The following CFAP54 variants were observed in gnomAD, a reference collection of about 807,000 sequenced individuals.
CFAP54 encodes cilia and flagella associated protein 54.
In CFAP54, 290 loss-of-function variants were observed where a neutral mutation model predicts 370.4. That is an observed-to-expected ratio of 0.78 (90% CI 0.71 to 0.86). The LOEUF (loss-of-function observed/expected upper bound fraction) is 0.86. Among genes scored for constraint, CFAP54 ranks in the 40% least tolerant of loss-of-function variants. The pLI is 0.00. For missense variants in CFAP54, 3,399 were observed against 3,528.7 expected (o/e 0.96, Z 0.93); for synonymous variants, 1,206 against 1,236.5 (o/e 0.98, Z 0.52).
chr12:96,668,834 A>G (rs1045820329), intron 39 of CFAP54, among the ~76,000 whole-genome samples: 1 of 152,154 alleles, frequency 6.6e-6, no homozygotes, highest in East Asian at 1.9e-4. Context: ...TCACTTATTC[A>G]TCTATTCATT....
chr12:96,725,731 AG>A (rs1179671389), intron 50 of CFAP54, among the ~76,000 whole-genome samples: 14 of 152,292 alleles, frequency 9.2e-5, no homozygotes, highest in Non-Finnish European at 1.6e-4. Context: ...GAGTGGTGAG[AG>A]GGGGCATCCC....
chr12:96,829,077 C>T lies in CFAP54; in HGVS notation c.9160C>T (p.Pro3054Ser). Residue 3054 changes from proline to serine, a missense_variant, in exon 66 of 68, where the codon CCA becomes TCA. Coordinates refer to ENST00000524981, the MANE Select transcript of CFAP54 (RefSeq NM_001306084.2). ...SLFLNDKEPTPLSEVPFDISL... is the reference protein window; with the variant it reads ...SLFLNDKEPTSLSEVPFDISL... ...GTTTTTGAATGATAAAGAGCCAACACCACTATCTGAGGTATGTATTTCTCC... is the reference window on the plus strand; with the variant it reads ...GTTTTTGAATGATAAAGAGCCAACATCACTATCTGAGGTATGTATTTCTCC... 1.3e-6 allele frequency: 2 copies of T among 1,502,668 alleles called. No individual in the cohort carries two copies. The highest frequency in any genetic ancestry group is 1.8e-6 in the Non-Finnish European group (2 of 1,118,462). 93.1% of individuals were successfully genotyped at this position (1,502,668 alleles called of 1,614,324 possible).
rs889714627 is a variant in CFAP54 at position 96,764,981 on chromosome 12, T to C, written c.8140-96T>C. ...TTCCTCCAATGTATAAGGAATATTA[T>C]TTTATGAATTCACTTTTTTCACATT... On this transcript the variant is annotated intron_variant, in intron 59 of 67. Coordinates refer to ENST00000524981, the MANE Select transcript of CFAP54 (RefSeq NM_001306084.2). 9.4e-6 allele frequency: 9 copies of C among 954,570 alleles called. No individual in the cohort carries two copies. In the African/African-American group the frequency reaches 1.5e-4, roughly 16 times the overall value. 59.1% of individuals were successfully genotyped at this position (954,570 alleles called of 1,614,324 possible).
chr12:96,809,965 C>T lies in CFAP54; in HGVS notation c.8851-1771C>T, dbSNP rs186425073. Among the ~76,000 whole-genome samples the T allele has an allele frequency of 1.4e-4, 22 of 152,216 alleles. No homozygotes were observed. In the East Asian group the frequency reaches 3.9e-3, roughly 27 times the overall value. On this transcript the variant is annotated intron_variant, in intron 63 of 67. Transcript: ENST00000524981. ...CAATGTTTTTAGTAAAGCACCTGAG[C>T]GTTGTACCTAACGTCCCTTAGCATA...
chr12:96,624,099 A>G (rs1353486416), intron 28 of CFAP54, among the ~76,000 whole-genome samples: 1 of 152,178 alleles, frequency 6.6e-6, no homozygotes, highest in African/African-American at 2.4e-5. Flanking sequence ...TTTACTTAGG[A>G]TTACATAGCT....
At chr12:96,819,376 C>T (rs1481739436) in intron 65 of CFAP54, among the ~76,000 whole-genome samples, 2 of 152,138 alleles carry the variant, frequency 1.3e-5, no homozygotes. Context: ...GTTCATTAGC[C>T]AAATAATTTA....
chr12:96,658,176 G>A, intron 37 of CFAP54, 35 bp from the exon 38 acceptor site: 7 of 1,587,314 alleles, frequency 4.4e-6, no homozygotes, highest in Non-Finnish European at 6.0e-6. Flanking sequence ...TTTAACTAAT[G>A]TTTTCTTTTT....
chr12:96,786,617 A>G, intron 61 of CFAP54, 58 bp from the exon 62 acceptor site: 1 of 1,258,320 alleles, frequency 7.9e-7, no homozygotes, highest in Non-Finnish European at 1.1e-6. Context: ...TACCAGCAAT[A>G]TTGAGATCAT....
chr12:96,714,453 C>T (rs1957652095), intron 48 of CFAP54, among the ~76,000 whole-genome samples: 1 of 152,064 alleles, frequency 6.6e-6, no homozygotes, highest in African/African-American at 2.4e-5. Context: ...ATCTCCATGG[C>T]AATGAGTTCA....
chr12:96,757,000 A>G (rs1958266892), intron 57 of CFAP54, among the ~76,000 whole-genome samples: 1 of 152,210 alleles, frequency 6.6e-6, no homozygotes, highest in African/African-American at 2.4e-5. Context: ...TTACAACTGC[A>G]CTGATCCAGG....
In CFAP54 at chr12:96,800,533, A is replaced by C. The variant is rs531385779; in HGVS notation, c.8850+8034A>C. 5.9e-5 allele frequency among the ~76,000 whole-genome samples: 9 copies of C among 152,330 alleles called. 1 individual carries two copies. The highest frequency in any genetic ancestry group is 2.2e-4 in the African/African-American group (9 of 41,578). On this transcript the variant is annotated intron_variant, in intron 63 of 67. Coordinates refer to ENST00000524981, the MANE Select transcript of CFAP54 (RefSeq NM_001306084.2). The stretch of plus-strand genomic sequence containing the variant: ...AGATGTAGTTGCTGCCATAATGTTC[A>C]GTCAAAAAGTCAAGAAACACTGACC...
Position 96,815,071 on chromosome 12 carries a change from G to A in CFAP54, c.8958-2704G>A, listed in dbSNP as rs566273772. 6.6e-5 allele frequency among the ~76,000 whole-genome samples: 10 copies of A among 152,274 alleles called. No homozygotes were observed. The South Asian group carries it at 1.5e-3, about 22-fold the overall frequency. ...TTATGATCCTTTGGGTATATACCCAGTAATGGGATTGCTGGGTCAAATGGT... is the reference window on the plus strand; with the variant it reads ...TTATGATCCTTTGGGTATATACCCAATAATGGGATTGCTGGGTCAAATGGT... On this transcript the variant is annotated intron_variant, in intron 64 of 67. Coordinates refer to ENST00000524981, the MANE Select transcript of CFAP54 (RefSeq NM_001306084.2).
rs1281157596 is a variant in CFAP54, at chr12:96,500,788, T to A, written c.318-46T>A. The A allele has an allele frequency of 2.9e-6, 4 of 1,371,300 alleles. No homozygotes were observed. In the Admixed American group the frequency reaches 8.9e-5, roughly 30 times the overall value. 84.9% of individuals were successfully genotyped at this position (1,371,300 alleles called of 1,614,324 possible). On this transcript the variant is annotated intron_variant, in intron 1 of 67. Coordinates refer to ENST00000524981, the MANE Select transcript of CFAP54 (RefSeq NM_001306084.2). Reference sequence around the variant, plus strand: ...GGATTGCTTGCAAATTAATTGGGGTTTCCTGCAGACTTTGACAATGTCGTT... The same window carrying A: ...GGATTGCTTGCAAATTAATTGGGGTATCCTGCAGACTTTGACAATGTCGTT...
At chr12:96,519,358 C>T (rs1007375359) in intron 6 of CFAP54, among the ~76,000 whole-genome samples, 9 of 152,082 alleles carry the variant, frequency 5.9e-5, no homozygotes, top group African/African-American at 1.9e-4. Flanking sequence ...TTTGGCTTCT[C>T]AAAATGCTAG....
At chr12:96,768,750 G>A (rs1958426902) in intron 60 of CFAP54, among the ~76,000 whole-genome samples, 1 of 152,190 alleles carries the variant, frequency 6.6e-6, no homozygotes, top group Non-Finnish European at 1.5e-5. Flanking sequence ...GCAGATTAAA[G>A]TGCCACAAGC....
chr12:96,764,703 T>C (rs1027348889), intron 59 of CFAP54, among the ~76,000 whole-genome samples: 14 of 152,246 alleles, frequency 9.2e-5, no homozygotes, highest in African/African-American at 2.7e-4. Flanking sequence ...ATACTAGTTA[T>C]GTTTAGTGTT....
At chr12:96,779,051 G>A (rs1325409513) in intron 60 of CFAP54, among the ~76,000 whole-genome samples, 1 of 148,550 alleles carries the variant, frequency 6.7e-6, no homozygotes, top group East Asian at 2.0e-4. Flanking sequence ...AGGTTGCAAT[G>A]AGCTGAGATC....
At chr12:96,818,998 T>C (rs1309183821) in intron 65 of CFAP54, among the ~76,000 whole-genome samples, 2 of 152,264 alleles carry the variant, frequency 1.3e-5, no homozygotes, top group African/African-American at 2.4e-5. Flanking sequence ...TCTGTACTTA[T>C]TGTAGCTGTT....
Position 96,580,579 on chromosome 12 carries a change from CATT to C in CFAP54, c.2797-17_2797-15del. Reference sequence around the variant, plus strand: ...TAAAAGAATGCCTTTTAAACAGGCTCATTTTTCTCGTCGGCAGGTCTCCTGGTA... The same window carrying C: ...TAAAAGAATGCCTTTTAAACAGGCTCTTTCTCGTCGGCAGGTCTCCTGGTA... On this transcript the variant is annotated splice_polypyrimidine_tract_variant and intron_variant, in intron 20 of 67. Transcript: ENST00000524981. 6.9e-7 allele frequency: 1 copy of C among 1,446,890 alleles called. No homozygotes were observed. The highest frequency in any genetic ancestry group is 9.1e-7 in the Non-Finnish European group (1 of 1,097,468). The allele number at this position is 1,446,890 out of a possible 1,614,324, so 89.6% of individuals were successfully genotyped here. A position where few individuals can be genotyped will look rare whatever the true frequency, so the allele number is the denominator to read the frequency against.
Sources: gnomAD v4.1 joint callset for allele counts (sites outside exome capture counted in the v4.1 genomes callset) on GRCh38, gnomAD v4.1.1 for gene constraint, MANE v1.5 for transcripts, NCBI Gene and HGNC (gene_info 2026-07-23, HGNC 2026-07-21) for gene names.